SRGAP3: variants seen among roughly 807,000 people sequenced by gnomAD.
SRGAP3 encodes the protein SLIT-ROBO Rho GTPase activating protein 3.
Under a neutral mutation model 121.1 loss-of-function variants are expected in SRGAP3, and 39 were observed. The ratio of observed to expected loss-of-function variants is 0.32; its 90% confidence interval spans 0.25 to 0.42. SRGAP3 has a LOEUF of 0.42. Ranked by LOEUF, SRGAP3 falls within the 10% of genes least tolerant of loss-of-function variation. The probability of loss-of-function intolerance (pLI) is 1.00; values close to 1 mark genes in which losing one functional copy is unlikely to be tolerated. For missense variants in SRGAP3, 1,213 were observed against 1,470.6 expected, an observed-to-expected ratio of 0.82 and a Z score of 2.86; for synonymous variants, 601 against 570.0, an observed-to-expected ratio of 1.05 and a Z score of -0.77.
chr3:9,173,780 C>T (rs539058894), intron 1 of SRGAP3, among the ~76,000 whole-genome samples: 1 of 152,222 alleles, frequency 6.6e-6, no homozygotes, highest in African/African-American at 2.4e-5. Context: ...CCATAATTCT[C>T]TCCCCGAACA....
intron 1 of SRGAP3, among the ~76,000 whole-genome samples, chr3:9,214,468 G>T (rs1239371789): frequency 3.3e-5 from 5 of 152,058 alleles, no homozygotes; most frequent in African/African-American, 7.2e-5. Context: ...TTCCTCCCTC[G>T]GTTTACTGTT....
intron 3 of SRGAP3, among the ~76,000 whole-genome samples, chr3:9,317,375 G>A (rs1279229029): frequency 6.6e-6 from 1 of 152,168 alleles, no homozygotes; most frequent in African/African-American, 2.4e-5. Flanking sequence ...ATTTGGTAAA[G>A]GTTTTTAAGA....
At chr3:9,147,499 C>T (rs1243928333) in intron 1 of SRGAP3, among the ~76,000 whole-genome samples, 1 of 152,038 alleles carries the variant, frequency 6.6e-6, no homozygotes, top group Non-Finnish European at 1.5e-5. Flanking sequence ...ACCTGAGCCC[C>T]GGACTAGGTG....
At chr3:9,248,768 G>A in intron 1 of SRGAP3, 117 bp downstream of exon 1, 6 of 1,049,940 alleles carry the variant, frequency 5.7e-6, no homozygotes, top group Non-Finnish European at 8.8e-6. Context: ...AAAGATTATT[G>A]ATGCATAACA....
At chr3:9,330,375 T>C (rs1955586312) in intron 2 of SRGAP3, among the ~76,000 whole-genome samples, 1 of 152,090 alleles carries the variant, frequency 6.6e-6, no homozygotes, top group African/African-American at 2.4e-5. Flanking sequence ...CTGTTGCAAC[T>C]CCAAACCCAG....
chr3:9,164,075 G>A (rs967603687), intron 1 of SRGAP3, among the ~76,000 whole-genome samples: 22 of 130,424 alleles, frequency 1.7e-4, no homozygotes, highest in African/African-American at 6.0e-4. Context: ...TCGGCTCACT[G>A]CAACCTCCGC....
At chr3:9,244,927 A>G (rs1181415826) in intron 1 of SRGAP3, among the ~76,000 whole-genome samples, 2 of 152,172 alleles carry the variant, frequency 1.3e-5, no homozygotes, top group African/African-American at 4.8e-5. Context: ...CTTAATATAC[A>G]TGGTGCACTG....
intron 1 of SRGAP3, among the ~76,000 whole-genome samples, chr3:9,147,308 GT>G (rs2125046350): frequency 6.6e-6 from 1 of 152,312 alleles, no homozygotes; most frequent in East Asian, 1.9e-4. Flanking sequence ...CACCAGAGAA[GT>G]GGGGTAAGGG....
At chr3:9,085,569 C>T (rs192829667) in intron 3 of SRGAP3, among the ~76,000 whole-genome samples, 12 of 152,152 alleles carry the variant, frequency 7.9e-5, no homozygotes, top group South Asian at 4.2e-4. Context: ...ACCCAAATAC[C>T]GATCAATGAT....
intron 1 of SRGAP3, among the ~76,000 whole-genome samples, chr3:9,154,450 C>T (rs1560285378): frequency 6.6e-6 from 1 of 152,044 alleles, no homozygotes; most frequent in Non-Finnish European, 1.5e-5. Context: ...CAGCCCCACC[C>T]CCCATCAAGT....
intron 1 of SRGAP3, among the ~76,000 whole-genome samples, chr3:9,138,524 AAAG>A (rs1949741775): frequency 6.6e-6 from 1 of 152,206 alleles, no homozygotes; most frequent in African/African-American, 2.4e-5. Context: ...GGAGGACTAA[AAAG>A]AAAATAACTA....
chr3:9,276,216 C>T (rs1206735420), intron 3 of SRGAP3, among the ~76,000 whole-genome samples: 3 of 152,172 alleles, frequency 2.0e-5, no homozygotes, highest in African/African-American at 7.2e-5. Context: ...GTCAGCCACT[C>T]TTTAATGGGT....
At chr3:9,130,064 C>G (rs2125002097) in intron 1 of SRGAP3, among the ~76,000 whole-genome samples, 1 of 152,182 alleles carries the variant, frequency 6.6e-6, no homozygotes, top group South Asian at 2.1e-4. Flanking sequence ...GCCCAGCCTA[C>G]TATTTCCCTT....
intron 3 of SRGAP3, among the ~76,000 whole-genome samples, chr3:9,284,725 CG>C (rs1344728226): frequency 6.7e-6 from 1 of 150,146 alleles, no homozygotes. Flanking sequence ...CCCAGCTACT[CG>C]GGAGACTGAC....
At chr3:9,339,836 G>A (rs1057073752) in intron 1 of SRGAP3, among the ~76,000 whole-genome samples, 1 of 152,132 alleles carries the variant, frequency 6.6e-6, no homozygotes, top group East Asian at 1.9e-4. Flanking sequence ...GATGCAGGAA[G>A]GCTAATGGAC....
chr3:9,268,274 T>C (rs1181535596), intron 3 of SRGAP3, among the ~76,000 whole-genome samples: 1 of 151,574 alleles, frequency 6.6e-6, no homozygotes, highest in Non-Finnish European at 1.5e-5. Flanking sequence ...AGTGCCCTTA[T>C]AAGAAGAGAC....
chr3:9,085,155 C>T (rs542692153), intron 3 of SRGAP3, among the ~76,000 whole-genome samples: 1 of 152,356 alleles, frequency 6.6e-6, no homozygotes, highest in South Asian at 2.1e-4. Flanking sequence ...GCAATGAATG[C>T]TCAGGCAGAC....
chr3:9,354,577 G>A (rs1220375424), intron 1 of SRGAP3, among the ~76,000 whole-genome samples: 1 of 151,780 alleles, frequency 6.6e-6, no homozygotes, highest in Non-Finnish European at 1.5e-5. Context: ...AGCTACTGAG[G>A]AGGCTGAGGC....
At chr3:9,358,031 C>T (rs549100121) in intron 1 of SRGAP3, among the ~76,000 whole-genome samples, 23 of 152,262 alleles carry the variant, frequency 1.5e-4, no homozygotes, top group African/African-American at 5.1e-4. Context: ...CACGCCACCA[C>T]ACCCAGCTAG....
Sources: gnomAD v4.1 joint callset for allele counts (sites outside exome capture counted in the v4.1 genomes callset) on GRCh38, gnomAD v4.1.1 for gene constraint, MANE v1.5 for transcripts, NCBI Gene and HGNC (gene_info 2026-07-23, HGNC 2026-07-21) for gene names.